Variants in NKAIN3 observed in about 807,000 individuals in gnomAD.
NKAIN3 encodes the protein sodium/potassium transporting ATPase interacting 3.
NKAIN3 carries 25 observed loss-of-function variants against 30.2 expected under a neutral mutation model. The observed-to-expected ratio is 0.83, with a 90% CI of 0.60 to 1.16. NKAIN3 has a LOEUF of 1.16. NKAIN3 is among the 50% of genes most tolerant of loss of function. The pLI is 0.00. For missense variants in NKAIN3, 225 were observed against 254.1 expected (o/e 0.89, Z 0.78); for synonymous variants, 91 against 89.6 (o/e 1.02, Z -0.09).
chr8:62,480,343 A>G (rs1331989451), intron 1 of NKAIN3, among the ~76,000 whole-genome samples: 1 of 152,212 alleles, frequency 6.6e-6, no homozygotes, highest in Non-Finnish European at 1.5e-5. Context: ...TTAAGAATGC[A>G]TACATATATC....
At chr8:62,776,497 A>C (rs889995567) in intron 4 of NKAIN3, among the ~76,000 whole-genome samples, 2 of 152,126 alleles carry the variant, frequency 1.3e-5, no homozygotes, top group African/African-American at 4.8e-5. Context: ...AATATCTTAT[A>C]GCCCATTATT....
intron 3 of NKAIN3, among the ~76,000 whole-genome samples, chr8:62,707,218 A>T (rs1814558724): frequency 6.6e-6 from 1 of 152,066 alleles, no homozygotes; most frequent in Non-Finnish European, 1.5e-5. Flanking sequence ...TCAAATAATG[A>T]CTTGTTTTCC....
chr8:62,747,202 G>C (rs762768184), intron 4 of NKAIN3, 73 bp downstream of exon 4: 2 of 896,884 alleles, frequency 2.2e-6, no homozygotes, highest in South Asian at 1.7e-5. Context: ...ACATCTACCT[G>C]ATAGAAAATG....
chr8:62,604,864 C>T (rs1050934779), intron 3 of NKAIN3, among the ~76,000 whole-genome samples: 2 of 152,132 alleles, frequency 1.3e-5, no homozygotes, highest in Non-Finnish European at 2.9e-5. Context: ...TCAAATCATT[C>T]TTTCATTAAA....
chr8:62,626,115 C>G, intron 3 of NKAIN3, among the ~76,000 whole-genome samples: 1 of 152,040 alleles, frequency 6.6e-6, no homozygotes. Flanking sequence ...TTTCTAAGCA[C>G]TCTCTCCTCA....
At chr8:62,554,524 A>G (rs547394459) in intron 1 of NKAIN3, among the ~76,000 whole-genome samples, 2 of 152,272 alleles carry the variant, frequency 1.3e-5, no homozygotes, top group East Asian at 3.9e-4. Flanking sequence ...TTTCTCCTGA[A>G]TATTCACGAA....
intron 5 of NKAIN3, among the ~76,000 whole-genome samples, chr8:62,936,222 G>A (rs1173721555): frequency 6.6e-6 from 1 of 152,152 alleles, no homozygotes; most frequent in Non-Finnish European, 1.5e-5. Flanking sequence ...GACTGATTCT[G>A]AAGTCAGGGT....
intron 1 of NKAIN3, among the ~76,000 whole-genome samples, chr8:62,443,353 T>C (rs2129598361): frequency 6.6e-6 from 1 of 152,148 alleles, no homozygotes. Context: ...TTACTTGTTG[T>C]CCTACTTTGT....
intron 1 of NKAIN3, chr8:62,344,889 A>G: frequency 2.4e-6 from 1 of 421,322 alleles, no homozygotes; most frequent in Non-Finnish European, 4.7e-6. Context: ...TTGTTAGATA[A>G]CTTTGAGTAG....
intron 4 of NKAIN3, among the ~76,000 whole-genome samples, chr8:62,867,472 GAC>G (rs1389438820): frequency 2.0e-5 from 3 of 152,116 alleles, no homozygotes; most frequent in Non-Finnish European, 4.4e-5. Context: ...ACTAAAAAAA[GAC>G]ACACCAGAAA....
chr8:62,854,386 TATTGGGTGC>T (rs1820000268), intron 4 of NKAIN3, among the ~76,000 whole-genome samples: 1 of 152,240 alleles, frequency 6.6e-6, no homozygotes, highest in Admixed American at 6.5e-5. Flanking sequence ...GGTGCCCCTG[TATTGGGTGC>T]ATATATATTT....
At chr8:62,738,909 T>A (rs528472437) in intron 3 of NKAIN3, among the ~76,000 whole-genome samples, 1 of 152,110 alleles carries the variant, frequency 6.6e-6, no homozygotes, top group African/African-American at 2.4e-5. Flanking sequence ...ATGTGGCACA[T>A]ATACACCATG....
rs77715690 is a variant in NKAIN3 at position 62,813,313 on chromosome 8, G to C, written c.471+66184G>C. 9.6e-3 allele frequency among the ~76,000 whole-genome samples: 1,456 copies of C among 151,418 alleles called. 20 individuals are homozygous for C. Among genetic ancestry groups the C allele is most frequent in the African/African-American group, 0.033 (1,378 of 41,370 alleles). ...CAACATTGTCCTGGCACTCAGGATT[G>C]TTTTAGCTGTTCAGAATCTTTTGTT... On this transcript the variant is annotated intron_variant, in intron 4 of 6. Transcript: ENST00000623646.
At chr8:62,713,386 C>A (rs1001052604) in intron 3 of NKAIN3, among the ~76,000 whole-genome samples, 25 of 152,156 alleles carry the variant, frequency 1.6e-4, no homozygotes, top group African/African-American at 5.8e-4. Context: ...CAGATTTATG[C>A]CTTTAACAAA....
chr8:62,614,551 G>A (rs1586010529), intron 3 of NKAIN3, among the ~76,000 whole-genome samples: 3 of 152,116 alleles, frequency 2.0e-5, no homozygotes, highest in South Asian at 4.1e-4. Flanking sequence ...CAATCAGCAG[G>A]TGGCAAAACC....
chr8:62,848,003 A>C (rs1434270088), intron 4 of NKAIN3, among the ~76,000 whole-genome samples: 1 of 151,980 alleles, frequency 6.6e-6, no homozygotes, highest in East Asian at 1.9e-4. Context: ...GTGTGGCCTT[A>C]TTTCTGGGTT....
At chr8:62,938,707 A>G (rs934387156) in intron 5 of NKAIN3, among the ~76,000 whole-genome samples, 2 of 152,172 alleles carry the variant, frequency 1.3e-5, no homozygotes, top group African/African-American at 4.8e-5. Context: ...AGGGGAGAGC[A>G]CCACATCAAG....
At chr8:62,928,155 T>A (rs1822506408) in intron 5 of NKAIN3, among the ~76,000 whole-genome samples, 1 of 152,210 alleles carries the variant, frequency 6.6e-6, no homozygotes, top group Non-Finnish European at 1.5e-5. Context: ...ATGACTTGAA[T>A]GCAAGTGTGA....
At chr8:62,898,008 A>G (rs1821487140) in intron 4 of NKAIN3, among the ~76,000 whole-genome samples, 1 of 152,208 alleles carries the variant, frequency 6.6e-6, no homozygotes, top group African/African-American at 2.4e-5. Flanking sequence ...ATAGCAACAC[A>G]AAACAAGCCA....
Sources: gnomAD v4.1 joint callset for allele counts (sites outside exome capture counted in the v4.1 genomes callset) on GRCh38, gnomAD v4.1.1 for gene constraint, MANE v1.5 for transcripts, NCBI Gene and HGNC (gene_info 2026-07-23, HGNC 2026-07-21) for gene names.